Variants in VTI1A observed in about 807,000 individuals in gnomAD.
VTI1A encodes the protein vesicle transport through interaction with t-SNAREs homolog 1A.
Under a neutral mutation model 34.9 loss-of-function variants are expected in VTI1A, and 22 were observed. The ratio of observed to expected loss-of-function variants is 0.63; its 90% CI spans 0.45 to 0.90. The LOEUF (loss-of-function observed/expected upper bound fraction) is 0.90. VTI1A is among the 40% of genes least tolerant of loss of function. The pLI is 0.00. For synonymous variants in VTI1A, 87 were observed against 97.3 expected (o/e 0.89, Z 0.62); for missense variants, 268 against 275.6 (o/e 0.97, Z 0.20).
At chr10:112,749,613 C>A (rs543395520) in intron 7 of VTI1A, among the ~76,000 whole-genome samples, 1 of 152,242 alleles carries the variant, frequency 6.6e-6, no homozygotes, top group East Asian at 1.9e-4. Context: ...ACACTTCAGG[C>A]AGAGCTACTT....
At chr10:112,654,683 C>G (rs34172599) in intron 5 of VTI1A, among the ~76,000 whole-genome samples, 1 of 151,892 alleles carries the variant, frequency 6.6e-6, no homozygotes, top group Non-Finnish European at 1.5e-5. Flanking sequence ...TTAGTAGAGA[C>G]GGGGTTTCAC....
intron 2 of VTI1A, 120 bp from the exon 3 acceptor site, chr10:112,464,427 C>A: frequency 1.2e-6 from 1 of 821,444 alleles, no homozygotes. Flanking sequence ...ATTCAGCACC[C>A]TGAACCTGGT....
chr10:112,551,920 C>CTTG (rs1427003285), intron 5 of VTI1A, among the ~76,000 whole-genome samples: 1 of 152,142 alleles, frequency 6.6e-6, no homozygotes. Context: ...GTAATTTTTA[C>CTTG]TTGAAAGTGA....
intron 7 of VTI1A, among the ~76,000 whole-genome samples, chr10:112,720,092 T>A (rs11196076): frequency 0.038 from 5,793 of 152,332 alleles, 136 homozygotes; most frequent in Middle Eastern, 0.055. Flanking sequence ...ATACATAAAT[T>A]TTATTTGTCC....
chr10:112,474,437 T>G (rs1472332359), intron 3 of VTI1A, among the ~76,000 whole-genome samples: 3 of 151,876 alleles, frequency 2.0e-5, no homozygotes, highest in Non-Finnish European at 4.4e-5. Context: ...TTTGCATTCA[T>G]TTTCTTTTCT....
chr10:112,538,244 A>G lies in VTI1A; in HGVS notation c.343-2A>G, dbSNP rs1320789181. ...TTTTTTTTCCCCCTTTTTCTTTTTC[A>G]GAGGGCACATCTGCTCGATAACACA... On this transcript the variant is annotated splice_acceptor_variant, in intron 4 of 7. Coordinates refer to ENST00000393077, the MANE Select transcript of VTI1A (RefSeq NM_145206.4). LOFTEE classifies it high-confidence loss of function. 3 of 1,608,946 alleles carry G rather than the reference A, an allele frequency of 1.9e-6. No individual in the cohort carries two copies. The highest frequency in any genetic ancestry group is 2.5e-6 in the Non-Finnish European group (3 of 1,178,534).
intron 3 of VTI1A, among the ~76,000 whole-genome samples, chr10:112,488,522 A>G (rs1193002802): frequency 6.6e-6 from 1 of 152,184 alleles, no homozygotes; most frequent in Non-Finnish European, 1.5e-5. Flanking sequence ...GGTATTATTT[A>G]ATAATATTAT....
intron 7 of VTI1A, among the ~76,000 whole-genome samples, chr10:112,754,160 C>T (rs115070995): frequency 0.017 from 2,600 of 152,304 alleles, 66 homozygotes; most frequent in African/African-American, 0.055. Flanking sequence ...TTAGAAGGTA[C>T]ACCCACGGAG....
intron 3 of VTI1A, among the ~76,000 whole-genome samples, chr10:112,524,715 A>T (rs539145146): frequency 1.9e-4 from 29 of 152,274 alleles, no homozygotes; most frequent in Non-Finnish European, 2.9e-4. Context: ...TGAACAATCT[A>T]TGCCAATTTG....
chr10:112,548,715 C>T, intron 5 of VTI1A: 5 of 1,336,856 alleles, frequency 3.7e-6, no homozygotes, highest in Non-Finnish European at 5.3e-6. Context: ...ACACCCACAG[C>T]AACTGTCTAT....
At chr10:112,628,632 G>A (rs1846010102) in intron 5 of VTI1A, among the ~76,000 whole-genome samples, 1 of 152,154 alleles carries the variant, frequency 6.6e-6, no homozygotes, top group South Asian at 2.1e-4. Flanking sequence ...CATCCAGTTT[G>A]AGTTTGTTTA....
At chr10:112,546,032 G>GTATGTGTGTGTATATACGTGTATACGCA (rs1851090578) in intron 5 of VTI1A, among the ~76,000 whole-genome samples, 4 of 145,676 alleles carry the variant, frequency 2.7e-5, no homozygotes, top group African/African-American at 1.1e-4. Flanking sequence ...GTGTATACGC[G>GTATGTGTGTGTATATACGTGTATACGCA]TATGTGTGTG....
the VTI1A span, among the ~76,000 whole-genome samples, chr10:112,855,152 G>C: frequency 6.6e-6 from 1 of 152,118 alleles, no homozygotes; most frequent in Non-Finnish European, 1.5e-5. Flanking sequence ...GCTCGACCCA[G>C]GATGGGAAGC....
intron 5 of VTI1A, among the ~76,000 whole-genome samples, chr10:112,618,198 A>T (rs1028226705): frequency 1.3e-5 from 2 of 151,958 alleles, no homozygotes; most frequent in Non-Finnish European, 1.5e-5. Flanking sequence ...CTTCTACTTA[A>T]CAGCTGTGAA....
At chr10:112,811,879 G>A (rs892652431) in intron 7 of VTI1A, among the ~76,000 whole-genome samples, 1 of 152,132 alleles carries the variant, frequency 6.6e-6, no homozygotes, top group Admixed American at 6.5e-5. Context: ...GATTCCGGCT[G>A]CCACACGCAG....
intron 5 of VTI1A, among the ~76,000 whole-genome samples, chr10:112,626,151 T>G (rs533859047): frequency 6.6e-6 from 1 of 152,252 alleles, no homozygotes; most frequent in Admixed American, 6.5e-5. Flanking sequence ...ACAGCTTGGC[T>G]CCACACAAAA....
chr10:112,648,893 T>A (rs1182285576), intron 5 of VTI1A, among the ~76,000 whole-genome samples: 1 of 152,204 alleles, frequency 6.6e-6, no homozygotes, highest in Non-Finnish European at 1.5e-5. Flanking sequence ...GGGTAAAATA[T>A]ATATCTATTA....
chr10:112,847,290 T>C, the VTI1A span, among the ~76,000 whole-genome samples: 7 of 152,304 alleles, frequency 4.6e-5, no homozygotes, highest in South Asian at 6.2e-4. Context: ...CTTGGTGCTC[T>C]AGAGAGCTGA....
At chr10:112,497,834 T>C (rs1186215130) in intron 3 of VTI1A, among the ~76,000 whole-genome samples, 2 of 152,170 alleles carry the variant, frequency 1.3e-5, no homozygotes, top group African/African-American at 4.8e-5. Flanking sequence ...TGGATGAATA[T>C]GTAAATAGGT....
Sources: allele counts gnomAD v4.1 joint callset (sites outside exome capture counted in the v4.1 genomes callset), GRCh38; gene constraint gnomAD v4.1.1; transcripts MANE v1.5; gene names NCBI Gene and HGNC (gene_info 2026-07-23, HGNC 2026-07-21).